The following PDPR variants were observed in gnomAD, a reference collection of about 807,000 sequenced individuals.
The protein encoded by PDPR is pyruvate dehydrogenase phosphatase regulatory subunit, also known as pyruvate dehydrogenase phosphatase regulatory subunit, mitochondrial.
PDPR carries 50 observed loss-of-function variants against 102.2 expected under a neutral mutation model. The ratio of observed to expected loss-of-function variants is 0.49; its 90% CI spans 0.39 to 0.62. PDPR has a LOEUF of 0.62. Ranked by LOEUF, PDPR falls within the 20% of genes least tolerant of loss-of-function variation. The pLI is 0.00. For missense variants in PDPR, 625 were observed against 1,098.2 expected (o/e 0.57, Z 6.09); for synonymous variants, 259 against 406.0 (o/e 0.64, Z 4.35).
chr16:70,163,206 C>T (rs1967932808), downstream of PDPR, among the ~76,000 whole-genome samples: 1 of 152,264 alleles, frequency 6.6e-6, no homozygotes, highest in South Asian at 2.1e-4. Context: ...CCTTGGCCTC[C>T]CAAAGTGCTG....
Position 70,148,771 on chromosome 16 carries a change from G to A in PDPR, c.2052+218G>A, listed in dbSNP as rs1966459266. ...TAAGTTATATAAGTTTTTTTGAATA[G>A]GTGATACATTTAAAAAGTATTTGGC... On this transcript the variant is annotated intron_variant, in intron 17 of 18. Coordinates refer to ENST00000288050, the MANE Select transcript of PDPR (RefSeq NM_017990.5). 2.0e-5 allele frequency among the ~76,000 whole-genome samples: 3 copies of A among 152,378 alleles called. No homozygotes were observed. In the South Asian group the frequency reaches 6.2e-4, roughly 32 times the overall value.
Position 70,156,962 on chromosome 16 carries a change from T to G in PDPR, c.*83T>G, listed in dbSNP as rs1405174713. The G allele has an allele frequency of 9.1e-6, 14 of 1,534,296 alleles. No individual in the cohort carries two copies. Among genetic ancestry groups the G allele is most frequent in the African/African-American group, 1.4e-5 (1 of 72,582 alleles). ...TTGGAGCTTCTCTTCCTTCCGCCTC[T>G]GTTCCTCTTCTGGAGCCTTTGCCTC... On this transcript the variant is annotated 3_prime_UTR_variant, in exon 19 of 19. Transcript: ENST00000288050.
chr16:70,116,433 G>A (rs1349172758), intron 2 of PDPR, among the ~76,000 whole-genome samples: 1 of 148,970 alleles, frequency 6.7e-6, no homozygotes, highest in African/African-American at 2.5e-5. Context: ...AGGCAGGAGT[G>A]CAGTAGCATA....
rs1458193979 is a variant in PDPR at position 70,161,865 on chromosome 16, G to C, written c.*4986G>C. 2 of 152,398 alleles carry C rather than the reference G, an allele frequency of 1.3e-5. No homozygotes were observed. Among genetic ancestry groups the C allele is most frequent in the African/African-American group, 2.4e-5 (1 of 41,482 alleles). The allele number at this position is 152,398 out of a possible 1,614,324, so 9.4% of individuals were successfully genotyped here. On this transcript the variant is annotated 3_prime_UTR_variant, in exon 19 of 19. Coordinates refer to ENST00000288050, the MANE Select transcript of PDPR (RefSeq NM_017990.5). The stretch of plus-strand genomic sequence containing the variant: ...GATGCACCTGTTTTTATCCTTTGCA[G>C]ACCATCTTCTGCCTTCTTATTTTCC...
rs111330720 is a variant in PDPR at position 70,159,967 on chromosome 16, C to T, written c.*3088C>T. 5,070 of 151,406 alleles carry T rather than the reference C, an allele frequency of 0.033. No homozygotes were observed. The highest frequency in any genetic ancestry group is 0.054 in the Non-Finnish European group (3,623 of 67,504). 9.4% of individuals were successfully genotyped at this position (151,406 alleles called of 1,614,324 possible). Reference sequence around the variant, plus strand: ...GGACTCTTGTGAATGGGTGACTGGACTTGGCTTTACAGAGTTGGGTGCTTT... The same window carrying T: ...GGACTCTTGTGAATGGGTGACTGGATTTGGCTTTACAGAGTTGGGTGCTTT... On this transcript the variant is annotated 3_prime_UTR_variant, in exon 19 of 19. Coordinates refer to ENST00000288050, the MANE Select transcript of PDPR (RefSeq NM_017990.5).
At chr16:70,145,284 C>T (rs528190596) in intron 15 of PDPR, among the ~76,000 whole-genome samples, 2 of 152,220 alleles carry the variant, frequency 1.3e-5, no homozygotes, top group Non-Finnish European at 1.5e-5. Flanking sequence ...ATTATAGGCG[C>T]CCGCCACCAC....
At chr16:70,137,651 A>G (rs1262338964) in intron 10 of PDPR, among the ~76,000 whole-genome samples, 1 of 152,282 alleles carries the variant, frequency 6.6e-6, no homozygotes, top group Non-Finnish European at 1.5e-5. Context: ...AATGGGTAAG[A>G]TGGTAGCCAC....
intron 10 of PDPR, among the ~76,000 whole-genome samples, chr16:70,138,045 T>TTTTTTC: frequency 7.8e-6 from 1 of 128,762 alleles, no homozygotes; most frequent in African/African-American, 2.7e-5. Context: ...GCTCTTTTTT[T>TTTTTTC]TTTTTTTTTT....
At chr16:70,141,380 TTG>T (rs1201154602) in intron 11 of PDPR, among the ~76,000 whole-genome samples, 2 of 152,252 alleles carry the variant, frequency 1.3e-5, no homozygotes, top group Admixed American at 6.5e-5. Context: ...CCTAGCTTTG[TTG>T]TGTGAATAAT....
At chr16:70,123,324 C>T (rs549549803) in intron 3 of PDPR, among the ~76,000 whole-genome samples, 3 of 152,384 alleles carry the variant, frequency 2.0e-5, no homozygotes, top group African/African-American at 7.2e-5. Flanking sequence ...ACAACCTCTG[C>T]CTCCTGGGCT....
intron 2 of PDPR, among the ~76,000 whole-genome samples, chr16:70,119,384 T>C (rs1479390299): frequency 4.0e-5 from 6 of 151,880 alleles, no homozygotes; most frequent in African/African-American, 1.5e-4. Context: ...CCAGATCATT[T>C]CATTCCCCTG....
chr16:70,114,619 G>C (rs1483829475), intron 1 of PDPR, among the ~76,000 whole-genome samples, 179 bp downstream of exon 1: 2 of 152,240 alleles, frequency 1.3e-5, no homozygotes, highest in Admixed American at 6.5e-5. Flanking sequence ...GCCAGTACTC[G>C]TCCCCGTAAG....
intron 4 of PDPR, among the ~76,000 whole-genome samples, chr16:70,127,642 A>G (rs1390577425): frequency 6.6e-6 from 1 of 152,254 alleles, no homozygotes; most frequent in Admixed American, 6.5e-5. Flanking sequence ...TTAAGAAAAT[A>G]TGTAAATTAT....
chr16:70,137,691 C>T (rs1382221633), intron 10 of PDPR, among the ~76,000 whole-genome samples: 9 of 152,248 alleles, frequency 5.9e-5, no homozygotes, highest in Non-Finnish European at 1.3e-4. Flanking sequence ...ATTTATGAGA[C>T]CAGTTCTCTT....
At chr16:70,123,958 G>T (rs376385619) in intron 3 of PDPR, among the ~76,000 whole-genome samples, 1 of 152,348 alleles carries the variant, frequency 6.6e-6, no homozygotes, top group East Asian at 1.9e-4. Flanking sequence ...GGGAGGCTGA[G>T]GTAGGAAAAT....
At chr16:70,128,434 G>A (rs537247723) in intron 4 of PDPR, among the ~76,000 whole-genome samples, 3 of 152,336 alleles carry the variant, frequency 2.0e-5, no homozygotes, top group South Asian at 4.1e-4. Context: ...CACCATGCTG[G>A]CCAGGCTGGT....
intron 3 of PDPR, among the ~76,000 whole-genome samples, chr16:70,121,525 C>G (rs2152062580): frequency 6.6e-6 from 1 of 152,060 alleles, no homozygotes; most frequent in South Asian, 2.1e-4. Flanking sequence ...AAACCTGTCT[C>G]TGCTAAACAT....
At chr16:70,116,234 A>G (rs1445874464) in intron 2 of PDPR, among the ~76,000 whole-genome samples, 2 of 140,978 alleles carry the variant, frequency 1.4e-5, no homozygotes, top group East Asian at 4.0e-4. Context: ...AAGCCACGAC[A>G]CCTGGCTAAT....
intron 9 of PDPR, among the ~76,000 whole-genome samples, chr16:70,134,839 A>G (rs995112004): frequency 6.6e-6 from 1 of 152,232 alleles, no homozygotes; most frequent in African/African-American, 2.4e-5. Flanking sequence ...AAATTTAAAA[A>G]GATGAAAGAG....
Sources: gnomAD v4.1 joint callset for allele counts (sites outside exome capture counted in the v4.1 genomes callset) on GRCh38, gnomAD v4.1.1 for gene constraint, MANE v1.5 for transcripts, NCBI Gene and HGNC (gene_info 2026-07-23, HGNC 2026-07-21) for gene names.